The following MACROD2 variants were observed in gnomAD, a reference collection of about 807,000 sequenced individuals.
MACROD2 encodes the protein mono-ADP ribosylhydrolase 2, also known as ADP-ribose glycohydrolase MACROD2.
A neutral mutation model predicts 70.4 loss-of-function variants in MACROD2; 36 were observed. That is an observed-to-expected ratio of 0.51 (90% CI 0.39 to 0.68). MACROD2 has a LOEUF of 0.68. Among genes scored for constraint, MACROD2 ranks in the 30% least tolerant of loss-of-function variants. The pLI, the probability that MACROD2 is intolerant of heterozygous loss-of-function variation, is 0.00. For synonymous variants in MACROD2, 172 were observed against 178.8 expected (o/e 0.96, Z 0.30); for missense variants, 496 against 538.4 (o/e 0.92, Z 0.78).
intron 5 of MACROD2, among the ~76,000 whole-genome samples, chr20:15,081,275 C>G (rs940705839): frequency 6.6e-6 from 1 of 152,144 alleles, no homozygotes; most frequent in African/African-American, 2.4e-5. Flanking sequence ...TACATGTTGT[C>G]TATAGCTATT....
At position 15,079,418 on chromosome 20, in the gene MACROD2, G is replaced by T. The variant is rs562808223; in HGVS notation, c.419-150522G>T. Among the ~76,000 whole-genome samples, 337 of 151,990 alleles carry T rather than the reference G, an allele frequency of 2.2e-3. 1 individual carries two copies. Among genetic ancestry groups the T allele is most frequent in the Admixed American group, 1.8e-3 (28 of 15,244 alleles). On this transcript the variant is annotated intron_variant, in intron 5 of 17. Transcript: ENST00000684519. The stretch of plus-strand genomic sequence containing the variant: ...CTCCCTGCACAGTCATACTCTTTTT[G>T]ATCTTGCCATTGCAATAATTGCACC...
chr20:15,230,129 C>T (rs1330596561), intron 6 of MACROD2, 68 bp downstream of exon 6: 3 of 1,467,370 alleles, frequency 2.0e-6, no homozygotes, highest in Admixed American at 2.0e-5. Flanking sequence ...TCTGTCTTGT[C>T]TAAAGAGAGG....
At chr20:15,481,382 C>G (rs2047095306) in intron 7 of MACROD2, among the ~76,000 whole-genome samples, 2 of 152,108 alleles carry the variant, frequency 1.3e-5, no homozygotes, top group South Asian at 4.2e-4. Flanking sequence ...CAGAGGCTGG[C>G]CAAATTTCCT....
chr20:14,533,601 T>C (rs934743643), intron 4 of MACROD2, among the ~76,000 whole-genome samples: 3 of 152,208 alleles, frequency 2.0e-5, no homozygotes, highest in Non-Finnish European at 4.4e-5. Flanking sequence ...TCTAAACATC[T>C]GGTCATATTA....
intron 5 of MACROD2, among the ~76,000 whole-genome samples, chr20:15,055,845 G>A (rs1340856527): frequency 3.4e-5 from 5 of 147,562 alleles, no homozygotes; most frequent in Non-Finnish European, 7.4e-5. Flanking sequence ...ACCCAGGCTA[G>A]AGTGCAGTGG....
Position 16,050,437 on chromosome 20 carries a change from A to G in MACROD2, c.*561A>G, listed in dbSNP as rs1222462673. The G allele has an allele frequency of 6.6e-6, 1 of 152,400 alleles. No individual in the cohort carries two copies. Among genetic ancestry groups the G allele is most frequent in the East Asian group, 1.9e-4 (1 of 5,212 alleles). 9.4% of individuals were successfully genotyped at this position (152,400 alleles called of 1,614,324 possible). ...TGAAAATATTTTCTTCAGGGTTCCCAAGGCACAATTTGTTCCAAGTGGCTA... is the reference window on the plus strand; with the variant it reads ...TGAAAATATTTTCTTCAGGGTTCCCGAGGCACAATTTGTTCCAAGTGGCTA... On this transcript the variant is annotated 3_prime_UTR_variant, in exon 18 of 18. Coordinates refer to ENST00000684519, the MANE Select transcript of MACROD2 (RefSeq NM_001351661.2).
chr20:14,260,922 T>C (rs2122311059), intron 3 of MACROD2, among the ~76,000 whole-genome samples: 1 of 152,266 alleles, frequency 6.6e-6, no homozygotes, highest in East Asian at 1.9e-4. Flanking sequence ...GCAGACAGAT[T>C]TGTGGTATTC....
At chr20:15,151,173 T>C (rs2076266836) in intron 5 of MACROD2, among the ~76,000 whole-genome samples, 1 of 152,038 alleles carries the variant, frequency 6.6e-6, no homozygotes, top group Non-Finnish European at 1.5e-5. Context: ...TGGGAGTGGC[T>C]GCCAGGTGAG....
At chr20:15,332,456 T>C (rs1388708785) in intron 6 of MACROD2, among the ~76,000 whole-genome samples, 1 of 151,612 alleles carries the variant, frequency 6.6e-6, no homozygotes, top group Non-Finnish European at 1.5e-5. Flanking sequence ...AGGCCAGCAT[T>C]ACAATTATAA....
chr20:15,725,971 T>A (rs1343951670), intron 8 of MACROD2, among the ~76,000 whole-genome samples: 1 of 152,062 alleles, frequency 6.6e-6, no homozygotes, highest in Non-Finnish European at 1.5e-5. Context: ...TCTACATAAT[T>A]TTATATAGGT....
At chr20:15,791,433 T>C (rs1030494409) in intron 8 of MACROD2, among the ~76,000 whole-genome samples, 1 of 151,904 alleles carries the variant, frequency 6.6e-6, no homozygotes, top group African/African-American at 2.4e-5. Context: ...CATTGTCTCT[T>C]GTGGGCAATT....
chr20:14,669,456 T>G lies in MACROD2; in HGVS notation c.302-15387T>G, dbSNP rs560440428. On this transcript the variant is annotated intron_variant, in intron 4 of 17. Transcript: ENST00000684519. ...TCCTTTATCATCTTACCTAAAGCCA[T>G]TTAGTATTTCCTGGAGCAGATGGGG... Among the ~76,000 whole-genome samples the G allele has an allele frequency of 7.8e-5, 8 of 102,428 alleles. No homozygotes were observed. The East Asian group carries it at 2.2e-3, about 28-fold the overall frequency. The allele number at this position is 102,428 out of a possible 152,430, so 67.2% of individuals were successfully genotyped here.
chr20:14,240,366 T>G (rs1250645638), intron 3 of MACROD2, among the ~76,000 whole-genome samples: 2 of 152,138 alleles, frequency 1.3e-5, no homozygotes, highest in East Asian at 3.9e-4. Flanking sequence ...AATAAATCAT[T>G]ATGCAAAAAA....
intron 4 of MACROD2, among the ~76,000 whole-genome samples, chr20:14,596,576 G>A (rs1410898218): frequency 1.3e-5 from 2 of 151,672 alleles, no homozygotes; most frequent in South Asian, 2.1e-4. Flanking sequence ...TCTTTCTTCA[G>A]TACTTTTATC....
At position 14,067,041 on chromosome 20, in the gene MACROD2, G is replaced by C. The variant is rs192439610; in HGVS notation, c.164-18580G>C. On this transcript the variant is annotated intron_variant, in intron 2 of 17. Transcript: ENST00000684519. ...TTAGCCAGGATGGTCTCAATCTCCT[G>C]ACCTCGTGATCCGCCCGTCTCGGCC... 4.6e-5 allele frequency among the ~76,000 whole-genome samples: 7 copies of C among 150,796 alleles called. No homozygotes were observed. In the East Asian group the frequency reaches 1.2e-3, roughly 25 times the overall value.
chr20:14,495,043 G>A (rs1740327447), intron 4 of MACROD2, among the ~76,000 whole-genome samples: 2 of 152,086 alleles, frequency 1.3e-5, no homozygotes, highest in African/African-American at 4.8e-5. Flanking sequence ...TTAGGTAGAC[G>A]ATTCAGTTAT....
intron 3 of MACROD2, among the ~76,000 whole-genome samples, chr20:14,283,720 A>G (rs998526435): frequency 9.2e-5 from 14 of 152,052 alleles, no homozygotes; most frequent in Non-Finnish European, 1.8e-4. Flanking sequence ...GGCTGCTCTC[A>G]AACTCCTGAC....
intron 11 of MACROD2, among the ~76,000 whole-genome samples, chr20:15,936,699 GT>G (rs2147329077): frequency 7.6e-6 from 1 of 131,432 alleles, no homozygotes; most frequent in African/African-American, 3.1e-5. Flanking sequence ...TCATTTTCCA[GT>G]TATCAGGTAT....
At chr20:14,904,445 T>G (rs1283122567) in intron 5 of MACROD2, among the ~76,000 whole-genome samples, 3 of 152,150 alleles carry the variant, frequency 2.0e-5, no homozygotes, top group Non-Finnish European at 2.9e-5. Flanking sequence ...ATGTTTCAAA[T>G]ATAACTTAAA....
Sources: gnomAD v4.1 joint callset for allele counts (sites outside exome capture counted in the v4.1 genomes callset) on GRCh38, gnomAD v4.1.1 for gene constraint, MANE v1.5 for transcripts, NCBI Gene and HGNC (gene_info 2026-07-23, HGNC 2026-07-21) for gene names.